Variants in TANK observed in about 807,000 individuals in gnomAD.
The protein encoded by TANK is TRAF family member associated NFKB activator.
A neutral mutation model predicts 43.6 loss-of-function variants in TANK; 15 were observed. The observed-to-expected ratio is 0.34, with a 90% confidence interval of 0.23 to 0.53. The LOEUF is 0.53. Ranked by LOEUF, TANK falls within the 20% of genes least tolerant of loss-of-function variation. TANK has a pLI of 0.94. For missense variants in TANK, 417 were observed against 498.6 expected (o/e 0.84, Z 1.56); for synonymous variants, 162 against 178.2 (o/e 0.91, Z 0.73).
At chr2:161,160,721 T>A in intron 1 of TANK, 1 of 505,638 alleles carries the variant, frequency 2.0e-6, no homozygotes, top group Non-Finnish European at 3.8e-6. Context: ...GCCCGCGATG[T>A]CAGCATAGCA....
At chr2:161,175,425 A>T (rs1391606512) in intron 1 of TANK, among the ~76,000 whole-genome samples, 1 of 152,150 alleles carries the variant, frequency 6.6e-6, no homozygotes, top group Non-Finnish European at 1.5e-5. Context: ...GGAAATGAAG[A>T]ATTGGTGAAA....
chr2:161,191,783 C>T (rs1421182926), intron 2 of TANK, among the ~76,000 whole-genome samples: 1 of 151,992 alleles, frequency 6.6e-6, no homozygotes, highest in Non-Finnish European at 1.5e-5. Context: ...ACTACCCTTC[C>T]TTCTTAAAAC....
At chr2:161,146,570 C>G (rs1482828619) in intron 1 of TANK, among the ~76,000 whole-genome samples, 1 of 152,184 alleles carries the variant, frequency 6.6e-6, no homozygotes, top group Non-Finnish European at 1.5e-5. Flanking sequence ...AAGGTCAGGT[C>G]TCTCTTCTGT....
chr2:161,138,687 C>A (rs1282771031), intron 1 of TANK, among the ~76,000 whole-genome samples: 1 of 152,214 alleles, frequency 6.6e-6, no homozygotes, highest in East Asian at 1.9e-4. Context: ...CAGCAGCCAA[C>A]TGGGGACCTA....
At chr2:161,216,008 A>G (rs1395735827) in intron 4 of TANK, among the ~76,000 whole-genome samples, 2 of 152,120 alleles carry the variant, frequency 1.3e-5, no homozygotes, top group Non-Finnish European at 2.9e-5. Context: ...TCCCTCCCTG[A>G]TAAGTCCCTT....
chr2:161,155,635 C>T (rs1055671265), upstream of TANK, among the ~76,000 whole-genome samples: 12 of 152,220 alleles, frequency 7.9e-5, no homozygotes, highest in Non-Finnish European at 1.6e-4. Flanking sequence ...TTGAAGTTTA[C>T]TGCTGAAGAC....
At chr2:161,207,081 A>C (rs1216846126) in intron 4 of TANK, among the ~76,000 whole-genome samples, 1 of 152,074 alleles carries the variant, frequency 6.6e-6, no homozygotes, top group African/African-American at 2.4e-5. Flanking sequence ...TTCAGTCAAT[A>C]AGTATCAAAA....
intron 1 of TANK, among the ~76,000 whole-genome samples, chr2:161,148,287 A>C (rs1683973521): frequency 6.6e-6 from 1 of 152,224 alleles, no homozygotes; most frequent in South Asian, 2.1e-4. Flanking sequence ...AATAATGTCA[A>C]GCATTTTTTC....
chr2:161,194,226 C>T (rs1686045464), intron 2 of TANK, among the ~76,000 whole-genome samples: 1 of 151,884 alleles, frequency 6.6e-6, no homozygotes, highest in Non-Finnish European at 1.5e-5. Context: ...CAGCTGGCCT[C>T]TCCTGCTTGT....
chr2:161,173,987 C>A (rs559190176), intron 1 of TANK, among the ~76,000 whole-genome samples: 2 of 152,152 alleles, frequency 1.3e-5, no homozygotes, highest in Admixed American at 1.3e-4. Context: ...TTGCCAATGA[C>A]TAGCACGTAG....
intron 2 of TANK, among the ~76,000 whole-genome samples, chr2:161,198,379 C>T (rs1182880292): frequency 2.0e-5 from 3 of 152,216 alleles, no homozygotes; most frequent in Non-Finnish European, 4.4e-5. Context: ...CCTACTTCAT[C>T]ACATTGCTGG....
intron 2 of TANK, 21 bp downstream of exon 2, chr2:161,179,782 A>G (rs185243392): frequency 6.3e-7 from 1 of 1,598,868 alleles, no homozygotes; most frequent in East Asian, 2.3e-5. Flanking sequence ...CTGGTTTTGA[A>G]AGTTATTCTT....
At chr2:161,188,117 C>T (rs1685747160) in intron 2 of TANK, among the ~76,000 whole-genome samples, 1 of 151,932 alleles carries the variant, frequency 6.6e-6, no homozygotes, top group African/African-American at 2.4e-5. Flanking sequence ...GATCTCAAAT[C>T]AGTAACTTAA....
At chr2:161,147,923 T>G (rs1683962958) in intron 1 of TANK, among the ~76,000 whole-genome samples, 1 of 152,246 alleles carries the variant, frequency 6.6e-6, no homozygotes, top group South Asian at 2.1e-4. Flanking sequence ...CGTCTGTTGA[T>G]GGATAGGGTA....
chr2:161,204,830 C>T, intron 4 of TANK, 37 bp downstream of exon 4: 1 of 1,593,608 alleles, frequency 6.3e-7, no homozygotes, highest in Non-Finnish European at 8.5e-7. Flanking sequence ...CATTTAAATG[C>T]TGATGCGTGA....
chr2:161,190,313 A>G (rs1220952983), intron 2 of TANK, among the ~76,000 whole-genome samples: 1 of 152,202 alleles, frequency 6.6e-6, no homozygotes, highest in Non-Finnish European at 1.5e-5. Flanking sequence ...AGTGTTGGCA[A>G]GGATGTGTAG....
chr2:161,165,235 G>A lies in TANK; in HGVS notation c.-50+4749G>A, dbSNP rs1387703636. On this transcript the variant is annotated intron_variant, in intron 1 of 7. Coordinates refer to ENST00000392749, the MANE Select transcript of TANK (RefSeq NM_001199135.3). ...AGAGTCTTTGAAATAGTTGCAGTATGAGAATTGTTCTATTGAACAGCGAAA... is the reference window on the plus strand; with the variant it reads ...AGAGTCTTTGAAATAGTTGCAGTATAAGAATTGTTCTATTGAACAGCGAAA... Among the ~76,000 whole-genome samples, 3 of 152,134 alleles carry A rather than the reference G, an allele frequency of 2.0e-5. 1 individual carries two copies. Among genetic ancestry groups the A allele is most frequent in the African/African-American group, 7.2e-5 (3 of 41,440 alleles).
chr2:161,154,889 C>T (rs370290281), intron 1 of TANK, among the ~76,000 whole-genome samples: 2 of 151,872 alleles, frequency 1.3e-5, no homozygotes, highest in South Asian at 2.1e-4. Flanking sequence ...GGATTACAGA[C>T]GTGTACCACA....
chr2:161,210,907 A>G (rs1446414882), intron 4 of TANK, among the ~76,000 whole-genome samples: 2 of 152,178 alleles, frequency 1.3e-5, no homozygotes, highest in East Asian at 1.9e-4. Context: ...TAAATTTTCT[A>G]CAAGACTTTG....
Sources: gnomAD v4.1 joint callset for allele counts (sites outside exome capture counted in the v4.1 genomes callset) on GRCh38, gnomAD v4.1.1 for gene constraint, MANE v1.5 for transcripts, NCBI Gene and HGNC (gene_info 2026-07-23, HGNC 2026-07-21) for gene names.